The following CCDC38 variants were observed in gnomAD, a reference collection of about 807,000 sequenced individuals.
The protein encoded by CCDC38 is coiled-coil domain-containing protein 38.
CCDC38 carries 69 observed loss-of-function variants against 72.8 expected under a neutral mutation model. The ratio of observed to expected loss-of-function variants is 0.95; its 90% CI spans 0.78 to 1.16. The LOEUF (loss-of-function observed/expected upper bound fraction) is 1.16, where lower values mean the gene tolerates loss of function less well. Ranked by LOEUF, CCDC38 falls within the 50% of genes most tolerant of loss-of-function variation. The pLI, the probability that CCDC38 is intolerant of heterozygous loss-of-function variation, is 0.00. For missense variants in CCDC38, 626 were observed against 638.9 expected (o/e 0.98, Z 0.22); for synonymous variants, 201 against 213.2 (o/e 0.94, Z 0.50).
chr12:95,902,746 C>T (rs1020276148), intron 5 of CCDC38, among the ~76,000 whole-genome samples: 1 of 152,050 alleles, frequency 6.6e-6, no homozygotes. Context: ...AGAAACTGTT[C>T]TTTATTTCTG....
At chr12:95,917,866 CAAAA>C (rs34424423) in intron 3 of CCDC38, among the ~76,000 whole-genome samples, 1 of 99,140 alleles carries the variant, frequency 1.0e-5, no homozygotes. Flanking sequence ...GCAAGACTGT[CAAAA>C]AAAAAAAAAA....
chr12:95,926,998 C>T (rs1158146049), intron 2 of CCDC38, among the ~76,000 whole-genome samples: 1 of 152,054 alleles, frequency 6.6e-6, no homozygotes, highest in South Asian at 2.1e-4. Context: ...TGGTGTGGTA[C>T]TGAAAAAAAT....
Position 95,867,186 on chromosome 12 carries a change from C to A in CCDC38, c.1582G>T (p.Gly528Ter). The change falls in exon 16 of 16, where the codon GGA becomes TGA. Residue 528 changes from glycine to a stop codon, truncating the protein, a stop_gained. Transcript: ENST00000344280. LOFTEE classifies it low-confidence loss of function (END_TRUNC). Reference sequence around the variant, plus strand: ...TTTGAATGAAAGACAAGTCGTCTTCCCAACTGAAACAAAAGAAAAACAAAA... The same window carrying A: ...TTTGAATGAAAGACAAGTCGTCTTCACAACTGAAACAAAAGAAAAACAAAA... ...KAVAQPKKKL[G>*]RRLVFHSKPP... The A allele has an allele frequency of 6.5e-7, 1 of 1,529,390 alleles. No individual in the cohort carries two copies. The highest frequency in any genetic ancestry group is 2.3e-5 in the East Asian group (1 of 44,354). 94.7% of individuals were successfully genotyped at this position (1,529,390 alleles called of 1,614,324 possible).
chr12:95,940,476 C>T (rs544251196), intron 1 of CCDC38, among the ~76,000 whole-genome samples: 7 of 152,246 alleles, frequency 4.6e-5, no homozygotes, highest in East Asian at 1.9e-4. Flanking sequence ...CCAATGAAAA[C>T]GAATTTCCAG....
chr12:95,893,179 C>T (rs2079847277), intron 8 of CCDC38, among the ~76,000 whole-genome samples: 1 of 152,122 alleles, frequency 6.6e-6, no homozygotes, highest in African/African-American at 2.4e-5. Flanking sequence ...TTTACAATAT[C>T]AATCTTTCTA....
chr12:95,935,380 C>T (rs918786083), intron 2 of CCDC38: 51 of 158,150 alleles, frequency 3.2e-4, no homozygotes, highest in Non-Finnish European at 6.6e-4. Context: ...TCCCCCCTTC[C>T]CCTTTTCTCC....
chr12:95,888,239 C>T (rs557358334), intron 10 of CCDC38, among the ~76,000 whole-genome samples: 90 of 152,184 alleles, frequency 5.9e-4, no homozygotes, highest in African/African-American at 2.0e-3. Context: ...ATGCAGGGGG[C>T]GGGGCAGATA....
chr12:95,874,048 CCT>C (rs974433177), intron 13 of CCDC38, among the ~76,000 whole-genome samples: 30 of 152,078 alleles, frequency 2.0e-4, no homozygotes, highest in African/African-American at 6.5e-4. Flanking sequence ...TCCCTTTTCC[CCT>C]CTCTCTAAAA....
At chr12:95,902,092 G>C (rs748906944) in intron 5 of CCDC38, among the ~76,000 whole-genome samples, 2 of 152,132 alleles carry the variant, frequency 1.3e-5, no homozygotes, top group Non-Finnish European at 2.9e-5. Flanking sequence ...TGTTTTAAAA[G>C]ATGGGGTAAA....
chr12:95,867,284 A>G, intron 15 of CCDC38, 95 bp from the exon 16 acceptor site: 2 of 704,852 alleles, frequency 2.8e-6, no homozygotes, highest in Non-Finnish European at 5.1e-6. Context: ...TGATTTTTAC[A>G]AGGAATAATA....
chr12:95,915,668 C>T (rs1298915659), intron 4 of CCDC38, among the ~76,000 whole-genome samples: 1 of 152,180 alleles, frequency 6.6e-6, no homozygotes, highest in African/African-American at 2.4e-5. Context: ...CTCAAATCAG[C>T]TCCTGATTGG....
At chr12:95,919,015 T>C (rs1164729623) in intron 2 of CCDC38, 39 bp from the exon 3 acceptor site, 6 of 1,281,178 alleles carry the variant, frequency 4.7e-6, no homozygotes, top group Non-Finnish European at 6.8e-6. Flanking sequence ...AATTCTGTCA[T>C]CCTTCCTCTG....
chr12:95,896,505 C>A (rs1336566389), intron 7 of CCDC38: 1 of 152,266 alleles, frequency 6.6e-6, no homozygotes, highest in African/African-American at 2.4e-5. Context: ...TCCTTCAGCC[C>A]TGGTGCAAGA....
At chr12:95,902,138 G>C (rs2079956685) in intron 5 of CCDC38, among the ~76,000 whole-genome samples, 1 of 152,138 alleles carries the variant, frequency 6.6e-6, no homozygotes. Flanking sequence ...CAATAATCCA[G>C]CAGAGAGGGA....
Position 95,906,427 on chromosome 12 carries a change from T to C in CCDC38, c.329A>G (p.His110Arg), listed in dbSNP as rs764095478. The change falls in exon 5 of 16, where the codon CAT becomes CGT. Residue 110 changes from histidine (H) to arginine (R), a missense_variant. His to Arg is a conservative substitution (Grantham distance 29). Coordinates refer to ENST00000344280, the MANE Select transcript of CCDC38 (RefSeq NM_182496.3). ...GTCTCTCTGGTCATTAATAAATTCATGGACAGTCCTTTTTGTGTCGGAACC... is the reference window on the plus strand; with the variant it reads ...GTCTCTCTGGTCATTAATAAATTCACGGACAGTCCTTTTTGTGTCGGAACC... Reference protein sequence around the residue: ...IEGSDTKRTVHEFINDQRDRF... With the variant: ...IEGSDTKRTVREFINDQRDRF... The C allele has an allele frequency of 1.9e-6, 3 of 1,613,370 alleles. No homozygotes were observed. The African/African-American group carries it at 4.0e-5, about 22-fold the overall frequency.
intron 13 of CCDC38, among the ~76,000 whole-genome samples, chr12:95,877,898 A>T (rs1042436024): frequency 4.6e-5 from 7 of 152,218 alleles, no homozygotes; most frequent in African/African-American, 1.7e-4. Context: ...CACCAAAATG[A>T]TAACACACAG....
At chr12:95,937,439 C>T (rs754756862) in intron 1 of CCDC38, among the ~76,000 whole-genome samples, 1 of 152,178 alleles carries the variant, frequency 6.6e-6, no homozygotes, top group South Asian at 2.1e-4. Context: ...ACTGGCCTTA[C>T]CCTAATCCTT....
At chr12:95,914,781 C>A (rs980659494) in intron 4 of CCDC38, among the ~76,000 whole-genome samples, 3 of 152,008 alleles carry the variant, frequency 2.0e-5, no homozygotes, top group African/African-American at 7.2e-5. Flanking sequence ...TCCTCACACC[C>A]TATACCCTAC....
intron 5 of CCDC38, among the ~76,000 whole-genome samples, chr12:95,902,284 A>G (rs1400445757): frequency 6.6e-6 from 1 of 152,204 alleles, no homozygotes; most frequent in Admixed American, 6.5e-5. Context: ...ATATGTATAT[A>G]CTTGGGAAAT....
Sources: gnomAD v4.1 joint callset for allele counts (sites outside exome capture counted in the v4.1 genomes callset) on GRCh38, gnomAD v4.1.1 for gene constraint, MANE v1.5 for transcripts, NCBI Gene and HGNC (gene_info 2026-07-23, HGNC 2026-07-21) for gene names.